Variants in GREM2 observed in about 807,000 individuals in gnomAD.
GREM2 encodes gremlin 2, DAN family BMP antagonist, also known as gremlin-2.
A neutral mutation model predicts 14.2 loss-of-function variants in GREM2; 11 were observed. That is an observed-to-expected ratio of 0.78 (90% CI 0.49 to 1.28). The LOEUF (loss-of-function observed/expected upper bound fraction) is 1.28. Among genes scored for constraint, GREM2 ranks in the 50% most tolerant of loss-of-function variants. The pLI, the probability that GREM2 is intolerant of heterozygous loss-of-function variation, is 0.00. For missense variants in GREM2, 210 were observed against 218.5 expected (o/e 0.96, Z 0.24); for synonymous variants, 98 against 97.6 (o/e 1.00, Z -0.02).
intron 1 of GREM2, among the ~76,000 whole-genome samples, chr1:240,514,256 A>C (rs1677901467): frequency 1.3e-5 from 2 of 151,430 alleles, no homozygotes; most frequent in Non-Finnish European, 2.9e-5. Flanking sequence ...TCAAAAAAAA[A>C]AAAAAAAAAA....
chr1:240,594,495 T>C (rs889615026), intron 1 of GREM2, among the ~76,000 whole-genome samples: 4 of 152,134 alleles, frequency 2.6e-5, no homozygotes, highest in Non-Finnish European at 5.9e-5. Flanking sequence ...ACTGAGAAAC[T>C]CAACCATTTG....
rs1271085076 is a variant in GREM2 at position 240,537,115 on chromosome 1, G to T, written c.-1-43639C>A. On this transcript the variant is annotated intron_variant, in intron 1 of 1. Transcript: ENST00000318160. Reference sequence around the variant, plus strand: ...CCCCAGAAGCCAGAATAGACCTGTAGCCTCCTTGCCTCCCTTCCTTTACCT... The same window carrying T: ...CCCCAGAAGCCAGAATAGACCTGTATCCTCCTTGCCTCCCTTCCTTTACCT... Among the ~76,000 whole-genome samples, 3 of 152,132 alleles carry T rather than the reference G, an allele frequency of 2.0e-5. No individual in the cohort carries two copies. The East Asian group carries it at 5.8e-4, about 29-fold the overall frequency.
chr1:240,556,477 CA>C (rs961863509), intron 1 of GREM2, among the ~76,000 whole-genome samples: 6 of 152,132 alleles, frequency 3.9e-5, no homozygotes, highest in African/African-American at 1.4e-4. Context: ...ATTTTGAATA[CA>C]ACCCACAAAC....
intron 1 of GREM2, among the ~76,000 whole-genome samples, chr1:240,572,901 C>T (rs1264478102): frequency 1.3e-5 from 2 of 152,080 alleles, no homozygotes; most frequent in East Asian, 3.9e-4. Context: ...TCTCAACTGG[C>T]TTTATAGGTA....
intron 1 of GREM2, among the ~76,000 whole-genome samples, chr1:240,509,494 G>A (rs891285233): frequency 1.3e-5 from 2 of 150,820 alleles, no homozygotes; most frequent in East Asian, 2.0e-4. Context: ...TCAGCCTCCC[G>A]AGTAGCTGTG....
chr1:240,498,337 T>C (rs2065833), intron 1 of GREM2, among the ~76,000 whole-genome samples: 5,725 of 152,210 alleles, frequency 0.038, 386 homozygotes, highest in African/African-American at 0.13. Context: ...TCTCTTCTCT[T>C]TTTCCTTTCC....
intron 1 of GREM2, among the ~76,000 whole-genome samples, chr1:240,528,751 A>G (rs1340185594): frequency 2.0e-5 from 3 of 152,200 alleles, no homozygotes; most frequent in Non-Finnish European, 4.4e-5. Context: ...AGGCCTTGCC[A>G]GGGAAATGAT....
intron 1 of GREM2, among the ~76,000 whole-genome samples, chr1:240,555,003 G>A (rs976605982): frequency 1.1e-4 from 16 of 152,052 alleles, no homozygotes; most frequent in African/African-American, 3.4e-4. Context: ...AAATTAGCAG[G>A]GCATAGTGGC....
intron 1 of GREM2, among the ~76,000 whole-genome samples, chr1:240,562,726 T>C (rs1401416077): frequency 6.6e-6 from 1 of 150,824 alleles, no homozygotes; most frequent in Non-Finnish European, 1.5e-5. Flanking sequence ...TGTGTGTGTG[T>C]ATGTGTGTAT....
At chr1:240,493,537 A>C in intron 1 of GREM2, 61 bp from the exon 2 acceptor site, 1 of 1,433,862 alleles carries the variant, frequency 7.0e-7, no homozygotes, top group South Asian at 1.5e-5. Flanking sequence ...GATCAATCTT[A>C]CTTATTTTTT....
intron 1 of GREM2, among the ~76,000 whole-genome samples, chr1:240,519,345 T>C (rs1558146600): frequency 6.6e-6 from 1 of 152,004 alleles, no homozygotes; most frequent in Non-Finnish European, 1.5e-5. Context: ...TTCTCTAGTT[T>C]TTTTTTTTTC....
intron 1 of GREM2, among the ~76,000 whole-genome samples, chr1:240,562,908 ATGTC>A (rs200533065): frequency 2.0e-3 from 273 of 135,186 alleles, no homozygotes; most frequent in Non-Finnish European, 3.5e-3. Context: ...GTGTGTATGT[ATGTC>A]TGTGAGTGTA....
intron 1 of GREM2, among the ~76,000 whole-genome samples, chr1:240,508,376 G>A (rs866571032): frequency 6.6e-6 from 1 of 152,126 alleles, no homozygotes; most frequent in African/African-American, 2.4e-5. Flanking sequence ...ATCAGTTCTT[G>A]GCCTTTTTAT....
At position 240,611,991 on chromosome 1, in the gene GREM2, G is replaced by A. The variant is rs1215755575; in HGVS notation, c.-109C>T. The A allele has an allele frequency of 6.6e-6, 1 of 152,650 alleles. No individual in the cohort carries two copies. The highest frequency in any genetic ancestry group is 1.5e-5 in the Non-Finnish European group (1 of 68,152). 9.5% of individuals were successfully genotyped at this position (152,650 alleles called of 1,614,324 possible). On this transcript the variant is annotated 5_prime_UTR_variant, in exon 1 of 2. Coordinates refer to ENST00000318160, the MANE Select transcript of GREM2 (RefSeq NM_022469.4). ...TAGTCCACAGCGGGGTCTAAGTTTG[G>A]TCTCCCGCCGCCGCTTTCAGTTCGA...
Position 240,591,845 on chromosome 1 carries a change from T to C in GREM2, c.-2+20039A>G, listed in dbSNP as rs1198904284. Among the ~76,000 whole-genome samples, 4 of 151,378 alleles carry C rather than the reference T, an allele frequency of 2.6e-5. No homozygotes were observed. The South Asian group carries it at 6.2e-4, about 24-fold the overall frequency. ...TTCCCTGGCAATCTGGTTTCCTGAT[T>C]TGCTACAAGGTATGGAGCTGTTTAT... On this transcript the variant is annotated intron_variant, in intron 1 of 1. Transcript: ENST00000318160.
chr1:240,510,915 A>G (rs1169933789), intron 1 of GREM2, among the ~76,000 whole-genome samples: 2 of 152,188 alleles, frequency 1.3e-5, no homozygotes. Context: ...TCTTTAAATT[A>G]ATTTTATTTT....
rs535898420 is a variant in GREM2, at chr1:240,543,201, G to A, written c.-1-49725C>T. Among the ~76,000 whole-genome samples, 6 of 152,272 alleles carry A rather than the reference G, an allele frequency of 3.9e-5. No homozygotes were observed. The East Asian group carries it at 5.8e-4, about 15-fold the overall frequency. On this transcript the variant is annotated intron_variant, in intron 1 of 1. Transcript: ENST00000318160. This position sits in a 1 kb window ranked among gnomAD's most constrained non-coding sequence, Gnocchi z 6.4. ...CTTGCTTCACTGAAGACTGCTCTAC[G>A]GCCTAGGACAGTAATCAGAGAAAAT... is the stretch of plus-strand genomic sequence containing the variant.
chr1:240,509,556 C>T (rs187965625), intron 1 of GREM2, among the ~76,000 whole-genome samples: 145 of 151,920 alleles, frequency 9.5e-4, no homozygotes, highest in Middle Eastern at 3.4e-3. Flanking sequence ...TTAGTAGAGA[C>T]GGGGTTTCTC....
intron 1 of GREM2, among the ~76,000 whole-genome samples, chr1:240,593,234 C>A (rs562708418): frequency 1.3e-5 from 2 of 152,266 alleles, no homozygotes; most frequent in African/African-American, 4.8e-5. Flanking sequence ...AAAGCTTTCC[C>A]TTCTCTTGTG....
Sources: allele counts gnomAD v4.1 joint callset (sites outside exome capture counted in the v4.1 genomes callset), GRCh38; gene constraint gnomAD v4.1.1; non-coding constraint Gnocchi (gnomAD v3.1); transcripts MANE v1.5; gene names NCBI Gene and HGNC (gene_info 2026-07-23, HGNC 2026-07-21).